The following BTBD9 variants were observed in gnomAD, a reference collection of about 807,000 sequenced individuals.
BTBD9 encodes the protein BTB domain containing 9.
In BTBD9, 49 loss-of-function variants were observed where a neutral mutation model predicts 64.3. That is an observed-to-expected ratio of 0.76 (90% CI 0.61 to 0.97). BTBD9 has a LOEUF of 0.97. BTBD9 is among the 50% of genes least tolerant of loss of function. The pLI is 0.00. For synonymous variants in BTBD9, 260 were observed against 274.7 expected, an observed-to-expected ratio of 0.95 and a Z score of 0.53; for missense variants, 598 against 762.1, an observed-to-expected ratio of 0.78 and a Z score of 2.53.
chr6:38,597,110 C>T (rs1392692766), intron 2 of BTBD9, among the ~76,000 whole-genome samples: 1 of 152,086 alleles, frequency 6.6e-6, no homozygotes, highest in Non-Finnish European at 1.5e-5. Context: ...TAAATATTTC[C>T]AGGAGACACA....
chr6:38,389,568 A>G (rs1270885010), intron 6 of BTBD9, among the ~76,000 whole-genome samples: 1 of 152,238 alleles, frequency 6.6e-6, no homozygotes, highest in African/African-American at 2.4e-5. Flanking sequence ...TATTTTTACA[A>G]CAAATGTGCT....
At chr6:38,637,105 C>G (rs1007368648) in intron 1 of BTBD9, among the ~76,000 whole-genome samples, 1 of 152,150 alleles carries the variant, frequency 6.6e-6, no homozygotes, top group African/African-American at 2.4e-5. Flanking sequence ...TCAACATGTT[C>G]CCTATCAGTT....
At chr6:38,208,840 G>C (rs887751534) in intron 9 of BTBD9, among the ~76,000 whole-genome samples, 4 of 152,156 alleles carry the variant, frequency 2.6e-5, no homozygotes, top group African/African-American at 9.7e-5. Context: ...GTCAGGCTTA[G>C]GAAAAATGGG....
intron 8 of BTBD9, among the ~76,000 whole-genome samples, chr6:38,281,245 G>A (rs1242357835): frequency 1.3e-5 from 2 of 152,140 alleles, no homozygotes; most frequent in Non-Finnish European, 2.9e-5. Context: ...AGGGTGGTAA[G>A]CAGCAGGAAG....
intron 6 of BTBD9, among the ~76,000 whole-genome samples, chr6:38,541,428 A>T (rs1774264788): frequency 6.6e-6 from 1 of 152,194 alleles, no homozygotes; most frequent in Non-Finnish European, 1.5e-5. Context: ...GAACATGGAC[A>T]TAGAGGTCAA....
At chr6:38,307,576 C>G (rs1171667419) in intron 7 of BTBD9, among the ~76,000 whole-genome samples, 1 of 152,170 alleles carries the variant, frequency 6.6e-6, no homozygotes, top group Non-Finnish European at 1.5e-5. Flanking sequence ...CAGGCTATGC[C>G]TTTTGAAAAC....
intron 1 of BTBD9, among the ~76,000 whole-genome samples, chr6:38,601,500 G>C (rs941742018): frequency 6.6e-6 from 1 of 151,908 alleles, no homozygotes. Context: ...TTGACACCAG[G>C]AGTTCAGGAC....
intron 6 of BTBD9, among the ~76,000 whole-genome samples, chr6:38,505,395 C>T (rs1246729415): frequency 6.6e-6 from 1 of 152,028 alleles, no homozygotes; most frequent in African/African-American, 2.4e-5. Context: ...GAGGCCAAGG[C>T]AGGCAAATCA....
At chr6:38,286,757 A>T (rs1761741965) in intron 8 of BTBD9, among the ~76,000 whole-genome samples, 1 of 152,162 alleles carries the variant, frequency 6.6e-6, no homozygotes, top group South Asian at 2.1e-4. Flanking sequence ...TAGTGATATC[A>T]TAATGTCGCA....
At chr6:38,606,529 A>G (rs1398121269) in intron 1 of BTBD9, among the ~76,000 whole-genome samples, 1 of 152,172 alleles carries the variant, frequency 6.6e-6, no homozygotes, top group Non-Finnish European at 1.5e-5. Context: ...TGAAACATAC[A>G]ATATAATTAA....
At chr6:38,581,399 A>T (rs539451570) in intron 4 of BTBD9, among the ~76,000 whole-genome samples, 2 of 152,350 alleles carry the variant, frequency 1.3e-5, no homozygotes, top group Admixed American at 6.5e-5. Context: ...AAGATCGTTT[A>T]AAAAAGATAT....
chr6:38,186,935 C>T (rs1761844404), intron 10 of BTBD9, among the ~76,000 whole-genome samples: 1 of 152,186 alleles, frequency 6.6e-6, no homozygotes, highest in Non-Finnish European at 1.5e-5. Context: ...CTTTCAAACC[C>T]ACGTTTTTAT....
intron 9 of BTBD9, among the ~76,000 whole-genome samples, chr6:38,245,116 T>G (rs1180063810): frequency 1.3e-5 from 2 of 152,154 alleles, no homozygotes; most frequent in Admixed American, 6.5e-5. Flanking sequence ...CCCCTACAAG[T>G]GTTAGGTGCT....
chr6:38,504,643 T>A (rs1004044714), intron 6 of BTBD9: 13 of 454,058 alleles, frequency 2.9e-5, no homozygotes, highest in Middle Eastern at 3.6e-4. Flanking sequence ...AATACACCTA[T>A]CTTTCAACCC....
At chr6:38,185,656 A>G (rs1180553872) in intron 10 of BTBD9, among the ~76,000 whole-genome samples, 1 of 152,198 alleles carries the variant, frequency 6.6e-6, no homozygotes, top group Admixed American at 6.5e-5. Flanking sequence ...ATGTGGGACA[A>G]GAAACAGTGG....
chr6:38,505,964 C>CAAAAAAAA lies in BTBD9; in HGVS notation c.1154+71628_1154+71635dup, dbSNP rs59014161. 2.0e-3 allele frequency among the ~76,000 whole-genome samples: 167 copies of CAAAAAAAA among 82,622 alleles called. 24 individuals are homozygous for CAAAAAAAA. The highest frequency in any genetic ancestry group is 4.6e-3 in the East Asian group (15 of 3,242). 54.2% of individuals were successfully genotyped at this position (82,622 alleles called of 152,430 possible). ...TGGCAACAGCATGGCTCCGTCTCAA[C>CAAAAAAAA]AAAAAAAAAAAAAAAAAAAAGGAAC... On this transcript the variant is annotated intron_variant, in intron 6 of 10. Coordinates refer to ENST00000481247, the MANE Select transcript of BTBD9 (RefSeq NM_001099272.2).
chr6:38,250,570 C>T (rs749033132), intron 9 of BTBD9, among the ~76,000 whole-genome samples: 57 of 151,740 alleles, frequency 3.8e-4, no homozygotes, highest in Non-Finnish European at 5.9e-4. Flanking sequence ...AGTGTTTTTC[C>T]CTTTTCAGGA....
intron 6 of BTBD9, among the ~76,000 whole-genome samples, chr6:38,517,530 T>C (rs1773090289): frequency 1.3e-5 from 2 of 152,116 alleles, no homozygotes; most frequent in Non-Finnish European, 2.9e-5. Flanking sequence ...GTGTAGTACA[T>C]GGGATCTAGC....
intron 6 of BTBD9, among the ~76,000 whole-genome samples, chr6:38,544,251 T>C (rs1353922694): frequency 6.6e-6 from 1 of 152,172 alleles, no homozygotes; most frequent in Non-Finnish European, 1.5e-5. Context: ...GTAGGTTATG[T>C]GCAATTACTA....
Sources: gnomAD v4.1 joint callset for allele counts (sites outside exome capture counted in the v4.1 genomes callset) on GRCh38, gnomAD v4.1.1 for gene constraint, MANE v1.5 for transcripts, NCBI Gene and HGNC (gene_info 2026-07-23, HGNC 2026-07-21) for gene names.